Variants in CFTR observed in about 807,000 individuals in gnomAD.
The protein encoded by CFTR is CF transmembrane conductance regulator.
A neutral mutation model predicts 171.6 loss-of-function variants in CFTR; 181 were observed. The ratio of observed to expected loss-of-function variants is 1.05; its 90% CI spans 0.93 to 1.19. The LOEUF (loss-of-function observed/expected upper bound fraction) is 1.19. Ranked by LOEUF, CFTR falls within the 50% of genes most tolerant of loss-of-function variation. The pLI, the probability that CFTR is intolerant of heterozygous loss-of-function variation, is 0.00. For missense variants in CFTR, 1,968 were observed against 1,734.7 expected (o/e 1.13, Z -2.39); for synonymous variants, 583 against 608.0 (o/e 0.96, Z 0.60).
intron 1 of CFTR, among the ~76,000 whole-genome samples, chr7:117,495,341 C>T (rs1419081223): frequency 6.6e-6 from 1 of 152,094 alleles, no homozygotes; most frequent in Non-Finnish European, 1.5e-5. Flanking sequence ...AGATGGGCAT[C>T]AACTATAAAT....
intron 4 of CFTR, among the ~76,000 whole-genome samples, chr7:117,533,893 A>T (rs2116674362): frequency 6.6e-6 from 1 of 152,286 alleles, no homozygotes; most frequent in East Asian, 1.9e-4. Flanking sequence ...TTAGTATAGG[A>T]CTACATGAAA....
chr7:117,557,417 A>T (rs1799378738), intron 10 of CFTR, among the ~76,000 whole-genome samples: 1 of 152,100 alleles, frequency 6.6e-6, no homozygotes, highest in Admixed American at 6.6e-5. Context: ...ATCATTATTC[A>T]TGATATTTAG....
intron 26 of CFTR, among the ~76,000 whole-genome samples, chr7:117,666,552 A>C (rs1348314255): frequency 6.6e-6 from 1 of 152,206 alleles, no homozygotes; most frequent in Non-Finnish European, 1.5e-5. Context: ...CTTAAGCTTC[A>C]GATCACTGTG....
intron 22 of CFTR, among the ~76,000 whole-genome samples, chr7:117,640,829 G>C (rs1326173581): frequency 2.6e-5 from 4 of 152,114 alleles, no homozygotes; most frequent in African/African-American, 9.7e-5. Flanking sequence ...AATTACATAA[G>C]TTCATTCATC....
intron 7 of CFTR, among the ~76,000 whole-genome samples, chr7:117,538,051 A>G (rs560419703): frequency 7.2e-5 from 11 of 152,352 alleles, no homozygotes; most frequent in African/African-American, 1.9e-4. Flanking sequence ...GATGAAATCT[A>G]TCCCTCTTAC....
chr7:117,602,132 AAGCAATTCTGGTGCCTCGG>A (rs1792235969), intron 15 of CFTR, among the ~76,000 whole-genome samples: 1 of 152,058 alleles, frequency 6.6e-6, no homozygotes, highest in Non-Finnish European at 1.5e-5. Context: ...TTCTGTGTTC[AAGCAATTCTGGTGCCTCGG>A]CCACCTGAGT....
intron 11 of CFTR, among the ~76,000 whole-genome samples, chr7:117,561,650 T>C (rs1799466948): frequency 6.6e-6 from 1 of 152,206 alleles, no homozygotes; most frequent in Admixed American, 6.5e-5. Flanking sequence ...TATTAAGACT[T>C]GCTTTATTTT....
intron 7 of CFTR, among the ~76,000 whole-genome samples, chr7:117,538,788 G>C (rs1192306485): frequency 6.6e-6 from 1 of 152,166 alleles, no homozygotes; most frequent in Non-Finnish European, 1.5e-5. Context: ...TTCAAAGCCA[G>C]GTGGGATGCC....
At position 117,614,670 on chromosome 7, in the gene CFTR, C is replaced by T. The variant is rs1280722004; in HGVS notation, c.3425C>T (p.Thr1142Ile). ...ACTTTAGCCATGAATATCATGAGTA[C>T]ATTGCAGTGGGCTGTAAACTCCAGC... is the stretch of plus-strand genomic sequence containing the variant. ...ILTLAMNIMS[T>I]LQWAVNSSID... is the part of the protein sequence containing the mutation. The change falls in exon 21 of 27, where the codon ACA becomes ATA. Residue 1142 changes from threonine (T) to isoleucine (I), a missense_variant. Coordinates refer to ENST00000003084, the MANE Select transcript of CFTR (RefSeq NM_000492.4). The T allele has an allele frequency of 6.2e-7, 1 of 1,612,190 alleles. No homozygotes were observed. The highest frequency in any genetic ancestry group is 2.2e-5 in the East Asian group (1 of 44,796).
At chr7:117,545,114 T>C (rs957233943) in intron 9 of CFTR, among the ~76,000 whole-genome samples, 7 of 152,232 alleles carry the variant, frequency 4.6e-5, no homozygotes, top group African/African-American at 9.6e-5. Context: ...CTCACAATCA[T>C]GGTGGATGAT....
chr7:117,524,986 G>C (rs978126536), intron 3 of CFTR, among the ~76,000 whole-genome samples: 5 of 152,132 alleles, frequency 3.3e-5, no homozygotes, highest in African/African-American at 1.2e-4. Flanking sequence ...ATATGTAATA[G>C]AAGTACAAAA....
intron 15 of CFTR, among the ~76,000 whole-genome samples, chr7:117,600,122 C>G: frequency 6.6e-6 from 1 of 151,764 alleles, no homozygotes; most frequent in Non-Finnish European, 1.5e-5. Flanking sequence ...TTCTTCAAAG[C>G]TATTAAACTG....
chr7:117,570,684 G>T (rs934447311), intron 11 of CFTR, among the ~76,000 whole-genome samples: 3 of 152,116 alleles, frequency 2.0e-5, no homozygotes, highest in African/African-American at 4.8e-5. Context: ...TATTAGAAAA[G>T]AAATTCTATC....
chr7:117,571,678 G>T (rs1791691836), intron 11 of CFTR, among the ~76,000 whole-genome samples: 1 of 152,018 alleles, frequency 6.6e-6, no homozygotes, highest in African/African-American at 2.4e-5. Flanking sequence ...TTAAATCACT[G>T]CATTCTATAG....
rs1799129241 is a variant in CFTR, at chr7:117,545,709, TGG to T, written c.1210-2931_1210-2930del. On this transcript the variant is annotated intron_variant, in intron 9 of 26. Coordinates refer to ENST00000003084, the MANE Select transcript of CFTR (RefSeq NM_000492.4). ...TTAGACAGTTTAAGTAACTCAAGCA[TGG>T]TTACACAACTAGCTAGGGCAGAGCT... Among the ~76,000 whole-genome samples the T allele has an allele frequency of 2.4e-4, 37 of 152,300 alleles. 1 individual carries two copies. The South Asian group carries it at 6.8e-3, about 28-fold the overall frequency.
rs1389529027 is a variant in CFTR, at chr7:117,622,726, G to C, written c.3469-4796G>C. On this transcript the variant is annotated intron_variant, in intron 21 of 26. Transcript: ENST00000003084. Reference sequence around the variant, plus strand: ...TTCTGAACAACCAAAAGGATGAAAGGAAATAGAACAAATATTTTTGTGAGG... The same window carrying C: ...TTCTGAACAACCAAAAGGATGAAAGCAAATAGAACAAATATTTTTGTGAGG... 2.0e-5 allele frequency among the ~76,000 whole-genome samples: 3 copies of C among 152,128 alleles called. No individual in the cohort carries two copies. The East Asian group carries it at 5.8e-4, about 29-fold the overall frequency.
intron 15 of CFTR, among the ~76,000 whole-genome samples, chr7:117,598,671 A>C (rs759059493): frequency 1.3e-5 from 2 of 152,226 alleles, no homozygotes; most frequent in Non-Finnish European, 2.9e-5. Context: ...CTGCTGTTGT[A>C]AATAAACAAA....
At chr7:117,572,747 A>C (rs1791713751) in intron 11 of CFTR, among the ~76,000 whole-genome samples, 1 of 152,114 alleles carries the variant, frequency 6.6e-6, no homozygotes, top group African/African-American at 2.4e-5. Context: ...CTTAGTAATT[A>C]TCAAATATTA....
At chr7:117,638,869 G>A (rs1013320286) in intron 22 of CFTR, among the ~76,000 whole-genome samples, 7 of 151,882 alleles carry the variant, frequency 4.6e-5, no homozygotes, top group South Asian at 2.1e-4. Context: ...ACAGCATCTC[G>A]CAAACTATCA....
Sources: gnomAD v4.1 joint callset for allele counts (sites outside exome capture counted in the v4.1 genomes callset) on GRCh38, gnomAD v4.1.1 for gene constraint, MANE v1.5 for transcripts, NCBI Gene and HGNC (gene_info 2026-07-23, HGNC 2026-07-21) for gene names.